Variants in HOOK2 observed in about 807,000 individuals in gnomAD.
The protein encoded by HOOK2 is protein Hook homolog 2.
HOOK2 carries 108 observed loss-of-function variants against 111.9 expected under a neutral mutation model. The observed-to-expected ratio is 0.96, with a 90% CI of 0.83 to 1.13. The LOEUF is 1.13. Ranked by LOEUF, HOOK2 falls within the 50% of genes most tolerant of loss-of-function variation. HOOK2 has a pLI of 0.00. For missense variants in HOOK2, 978 were observed against 951.3 expected (o/e 1.03, Z -0.37); for synonymous variants, 405 against 394.3 (o/e 1.03, Z -0.32).
upstream of HOOK2, among the ~76,000 whole-genome samples, chr19:12,777,271 C>G (rs975104839): frequency 1.3e-5 from 2 of 151,996 alleles, no homozygotes; most frequent in South Asian, 4.2e-4. Flanking sequence ...CCCAGGAGTT[C>G]GAGAACAGCC....
At chr19:12,774,778 C>G (rs973802261) in intron 2 of HOOK2, 34 bp downstream of exon 2, 28 of 1,612,898 alleles carry the variant, frequency 1.7e-5, no homozygotes, top group Non-Finnish European at 2.3e-5. Context: ...GACTGGGGGA[C>G]ACTTTTGGGA....
chr19:12,764,415 C>T (rs937278092), intron 20 of HOOK2: 8 of 156,348 alleles, frequency 5.1e-5, no homozygotes, highest in African/African-American at 8.1e-5. Context: ...CTGCAACCTC[C>T]GCCTCCCGGG....
At chr19:12,782,947 C>A (rs1438018483), upstream of HOOK2, among the ~76,000 whole-genome samples, 1 of 151,700 alleles carries the variant, frequency 6.6e-6, no homozygotes, top group Non-Finnish European at 1.5e-5. Context: ...TGTTTCCTTT[C>A]CCCGCCCAGC....
At chr19:12,782,815 CG>C (rs911386273), upstream of HOOK2, among the ~76,000 whole-genome samples, 3 of 151,892 alleles carry the variant, frequency 2.0e-5, no homozygotes, top group Admixed American at 6.5e-5. Context: ...ACCGAGCGCC[CG>C]GGGGCTTCCC....
chr19:12,772,534 C>A, intron 6 of HOOK2, 79 bp downstream of exon 6: 1 of 1,482,196 alleles, frequency 6.7e-7, no homozygotes, highest in Admixed American at 1.7e-5. Context: ...CAGGGCAGGA[C>A]CTGTGCCCAG....
chr19:12,786,311 C>T lies in HOOK2; in HGVS notation n.42-12086G>A, dbSNP rs1249197716. 2.0e-5 allele frequency among the ~76,000 whole-genome samples: 3 copies of T among 152,090 alleles called. No individual in the cohort carries two copies. The highest frequency in any genetic ancestry group is 7.2e-5 in the African/African-American group (3 of 41,434). On this transcript the variant is annotated intron_variant and non_coding_transcript_variant, in intron 3 of 3. Transcript: ENST00000589765. The surrounding 1 kb of genome is among the most constrained non-coding windows in gnomAD (Gnocchi z 4.3). ...TGCCCACTGGCTGACTCACAGGCAG[C>T]CCCCAGCCCAGTTTCCTAGTGAGGG... is the stretch of plus-strand genomic sequence containing the variant.
At chr19:12,783,319 C>A (rs1382449796), upstream of HOOK2, among the ~76,000 whole-genome samples, 6 of 148,026 alleles carry the variant, frequency 4.1e-5, no homozygotes, top group South Asian at 6.4e-4. Context: ...CCCCCCAACT[C>A]CGCCTCTGAA....
At position 12,763,156 on chromosome 19, in the gene HOOK2, G is replaced by C; in HGVS notation, c.*126C>G. On this transcript the variant is annotated 3_prime_UTR_variant, in exon 23 of 23. Coordinates refer to ENST00000397668, the MANE Select transcript of HOOK2 (RefSeq NM_013312.3). ...GCCCTCCCTCCCCACCAATCTGGGA[G>C]AGGGAAGAGCAGAGATCATGGCCTC... 2 of 891,054 alleles carry C rather than the reference G, an allele frequency of 2.2e-6. No individual in the cohort carries two copies. The highest frequency in any genetic ancestry group is 2.6e-5 in the East Asian group (1 of 38,160). The allele number at this position is 891,054 out of a possible 1,614,324, so 55.2% of individuals were successfully genotyped here.
intron 10 of HOOK2, 122 bp downstream of exon 10, chr19:12,770,810 G>A (rs1057019461): frequency 1.6e-6 from 2 of 1,213,392 alleles, no homozygotes; most frequent in Non-Finnish European, 2.3e-6. Flanking sequence ...GAGTCCAGGG[G>A]GCATATTGGG....
chr19:12,781,077 C>T (rs1010732402), upstream of HOOK2, among the ~76,000 whole-genome samples: 3 of 148,636 alleles, frequency 2.0e-5, no homozygotes, highest in African/African-American at 7.4e-5. Flanking sequence ...CCGAGGTGGG[C>T]GGATCAGGAG....
At chr19:12,792,122 C>A (rs1203005432) in intron 3 of HOOK2, 3 of 1,599,008 alleles carry the variant, frequency 1.9e-6, no homozygotes, top group Admixed American at 1.8e-5. Context: ...GGGGTGGCAG[C>A]GGTGGAGGTG....
At chr19:12,776,084 A>C (rs980404697), upstream of HOOK2, among the ~76,000 whole-genome samples, 2 of 149,072 alleles carry the variant, frequency 1.3e-5, no homozygotes, top group African/African-American at 4.9e-5. Flanking sequence ...TCACCGTGTT[A>C]GCCAGGATGG....
chr19:12,779,601 C>T (rs1010145626), upstream of HOOK2, among the ~76,000 whole-genome samples: 11 of 152,210 alleles, frequency 7.2e-5, no homozygotes, highest in African/African-American at 2.4e-4. Flanking sequence ...AGTAATCCTC[C>T]TGCCTCTGCC....
At chr19:12,776,682 A>G (rs1473432865), upstream of HOOK2, among the ~76,000 whole-genome samples, 6 of 137,800 alleles carry the variant, frequency 4.4e-5, no homozygotes, top group African/African-American at 2.1e-4. Context: ...TCAAAAAAAA[A>G]AAAAAAAAAA....
Position 12,771,185 on chromosome 19 carries a change from C to T in HOOK2, c.735G>A (p.Leu245=). The T allele has an allele frequency of 6.2e-7, 1 of 1,613,422 alleles. No individual in the cohort carries two copies. Among genetic ancestry groups the T allele is most frequent in the Non-Finnish European group, 8.5e-7 (1 of 1,179,752 alleles). The change falls in exon 9 of 23, where the codon CTG becomes CTA. Residue 245 remains leucine, a synonymous_variant. Transcript: ENST00000397668. ...AKKLLLLQSQ[L]EQLQEENFRL... ...TGAAGTTCTCCTCCTGCAACTGCTC[C>T]AGCTGGGATTGCAGCAGCAGCAGCT...
chr19:12,769,957 T>TCGG lies in HOOK2; in HGVS notation c.1025_1027dup (p.Ala342dup). 6.4e-7 allele frequency: 1 copy of TCGG among 1,555,970 alleles called. No individual in the cohort carries two copies. The highest frequency in any genetic ancestry group is 8.6e-7 in the Non-Finnish European group (1 of 1,157,754). ...CTCATCCTCCAGTTGTCGCGTGCGCTCGGCGTGGCCGGCGTTGCGTTCCTC... is the reference window on the plus strand; with the variant it reads ...CTCATCCTCCAGTTGTCGCGTGCGCTCGGCGGCGTGGCCGGCGTTGCGTTCCTC... On this transcript the variant is annotated inframe_insertion, in exon 11 of 23. Coordinates refer to ENST00000397668, the MANE Select transcript of HOOK2 (RefSeq NM_013312.3).
chr19:12,775,285 G>C (rs1968465826), intron 1 of HOOK2, 120 bp downstream of exon 1: 1 of 1,485,922 alleles, frequency 6.7e-7, no homozygotes, highest in Non-Finnish European at 8.9e-7. Flanking sequence ...CAACGGTCCA[G>C]CAAGTCGACG....
At chr19:12,766,582 T>C in intron 14 of HOOK2, 1 of 301,600 alleles carries the variant, frequency 3.3e-6, no homozygotes, top group South Asian at 8.6e-5. Flanking sequence ...GTTTGGTTAG[T>C]TTTGGCTTTT....
At chr19:12,763,631 T>C (rs747548652) in intron 21 of HOOK2, 32 bp from the exon 22 acceptor site, 8 of 1,614,156 alleles carry the variant, frequency 5.0e-6, no homozygotes, top group Non-Finnish European at 6.8e-6. Flanking sequence ...GGGGCCTAGA[T>C]ACGTTGGAGG....
Sources: allele counts gnomAD v4.1 joint callset (sites outside exome capture counted in the v4.1 genomes callset), GRCh38; gene constraint gnomAD v4.1.1; non-coding constraint Gnocchi (gnomAD v3.1); transcripts MANE v1.5; gene names NCBI Gene and HGNC (gene_info 2026-07-23, HGNC 2026-07-21).